CSMD1: variants seen among roughly 807,000 people sequenced by gnomAD.
The protein encoded by CSMD1 is CUB and Sushi multiple domains 1, also known as CUB and sushi domain-containing protein 1.
Under a neutral mutation model 417.5 loss-of-function variants are expected in CSMD1, and 213 were observed. That is an observed-to-expected ratio of 0.51 (90% CI 0.46 to 0.57). The LOEUF is 0.57. Ranked by LOEUF, CSMD1 falls within the 20% of genes least tolerant of loss-of-function variation. The probability of loss-of-function intolerance (pLI) is 0.00; values close to 1 mark genes in which losing one functional copy is unlikely to be tolerated. For synonymous variants in CSMD1, 2,862 were observed against 1,736.8 expected, an observed-to-expected ratio of 1.65 and a Z score of -16.11; for missense variants, 6,923 against 4,529.7, an observed-to-expected ratio of 1.53 and a Z score of -15.17.
At position 3,538,235 on chromosome 8, in the gene CSMD1, G is replaced by A. The variant is rs142921789; in HGVS notation, c.1344+36710C>T. ...CCATCAGCTGGAACTGAGTAGCAAT[G>A]GCACACCTGAGATGCCTCACCTGAG... On this transcript the variant is annotated intron_variant, in intron 10 of 69. Coordinates refer to ENST00000635120, the MANE Select transcript of CSMD1 (RefSeq NM_033225.6). 1.0e-3 allele frequency among the ~76,000 whole-genome samples: 156 copies of A among 152,308 alleles called. 1 individual carries two copies. Among genetic ancestry groups the A allele is most frequent in the African/African-American group, 3.7e-3 (152 of 41,562 alleles).
intron 12 of CSMD1, among the ~76,000 whole-genome samples, chr8:3,411,870 G>A (rs373715027): frequency 4.9e-4 from 41 of 83,340 alleles, no homozygotes; most frequent in Non-Finnish European, 9.1e-4. Flanking sequence ...ACGTATATAT[G>A]CACGTATATA....
intron 7 of CSMD1, among the ~76,000 whole-genome samples, chr8:3,665,491 TGCACTCCA>T (rs1798640796): frequency 6.6e-6 from 1 of 152,168 alleles, no homozygotes; most frequent in African/African-American, 2.4e-5. Flanking sequence ...ATCACGCCAC[TGCACTCCA>T]GCCTGGGCGA....
intron 2 of CSMD1, among the ~76,000 whole-genome samples, chr8:4,473,701 A>C (rs1477306244): frequency 6.6e-6 from 1 of 152,184 alleles, no homozygotes; most frequent in African/African-American, 2.4e-5. Context: ...TAAATGATGT[A>C]AGGTATGCAG....
At chr8:4,061,368 AAAATG>A (rs1173839277) in intron 3 of CSMD1, among the ~76,000 whole-genome samples, 1 of 152,256 alleles carries the variant, frequency 6.6e-6, no homozygotes, top group Non-Finnish European at 1.5e-5. Flanking sequence ...TAAAAATTAA[AAAATG>A]AAATGAAGTA....
At chr8:4,593,609 A>G (rs965968487) in intron 2 of CSMD1, among the ~76,000 whole-genome samples, 1 of 152,190 alleles carries the variant, frequency 6.6e-6, no homozygotes, top group Non-Finnish European at 1.5e-5. Context: ...AATGACAGAA[A>G]TATTTTTATG....
At chr8:3,962,367 A>C (rs1185407771) in intron 5 of CSMD1, among the ~76,000 whole-genome samples, 6 of 152,198 alleles carry the variant, frequency 3.9e-5, no homozygotes. Flanking sequence ...ACTAGAGCAG[A>C]GTCAGGCAGC....
At chr8:4,271,879 C>T (rs981913965) in intron 3 of CSMD1, among the ~76,000 whole-genome samples, 1 of 152,142 alleles carries the variant, frequency 6.6e-6, no homozygotes, top group African/African-American at 2.4e-5. Context: ...GCATACAGTC[C>T]TCCCTTGGTG....
rs945676742 is a variant in CSMD1, at chr8:4,487,173, T to TTTA, written c.303-67111_303-67109dup. 3.3e-5 allele frequency among the ~76,000 whole-genome samples: 5 copies of TTTA among 152,118 alleles called. 1 individual carries two copies. The South Asian group carries it at 6.2e-4, about 19-fold the overall frequency. ...TAATAATGATGAAGTTTCTTTCTTT[T>TTTA]TTATTATTATTATTATACTTTAAGT... On this transcript the variant is annotated intron_variant, in intron 2 of 69. Coordinates refer to ENST00000635120, the MANE Select transcript of CSMD1 (RefSeq NM_033225.6).
intron 3 of CSMD1, among the ~76,000 whole-genome samples, chr8:4,179,778 G>C: frequency 6.6e-6 from 1 of 151,908 alleles, no homozygotes; most frequent in African/African-American, 2.4e-5. Context: ...AATATGAACA[G>C]ACACTTCTCA....
Position 3,998,045 on chromosome 8 carries a change from A to C in CSMD1, c.676T>G (p.Ser226Ala). 3 of 1,601,410 alleles carry C rather than the reference A, an allele frequency of 1.9e-6. No homozygotes were observed. In the South Asian group the frequency reaches 3.4e-5, roughly 18 times the overall value. The part of the protein sequence containing the change: ...SSSISSPHFP[S>A]EYENNADCTW... The stretch of plus-strand genomic sequence containing the variant: ...CAGTCCGCGTTGTTCTCGTACTCTG[A>C]AGGGAAGTGCGGGCTGGAGATGGAG... The change falls in exon 5 of 70, where the codon TCA becomes GCA. Residue 226 changes from serine to alanine, a missense_variant. Ser to Ala is a moderately conservative substitution (Grantham distance 99, BLOSUM62 1). Transcript: ENST00000635120.
intron 3 of CSMD1, among the ~76,000 whole-genome samples, chr8:4,049,641 C>T (rs1362629726): frequency 1.3e-5 from 2 of 152,026 alleles, no homozygotes; most frequent in African/African-American, 4.8e-5. Flanking sequence ...CATAAAATAA[C>T]ATTATATTTA....
intron 3 of CSMD1, among the ~76,000 whole-genome samples, chr8:4,268,581 T>A (rs1044319015): frequency 1.3e-5 from 2 of 152,148 alleles, no homozygotes; most frequent in Non-Finnish European, 2.9e-5. Context: ...TATCCTCATT[T>A]CCAAAGACTT....
intron 3 of CSMD1, among the ~76,000 whole-genome samples, chr8:4,085,950 G>A (rs192495080): frequency 1.1e-4 from 16 of 152,166 alleles, no homozygotes; most frequent in African/African-American, 2.4e-4. Context: ...TTTCTTACAA[G>A]TGCAAGTCAA....
chr8:3,546,467 C>T (rs1036669989), intron 10 of CSMD1, among the ~76,000 whole-genome samples: 3 of 151,298 alleles, frequency 2.0e-5, no homozygotes, highest in Non-Finnish European at 4.4e-5. Context: ...ACCAGGGAGT[C>T]GGAGCTTGTG....
chr8:4,354,895 T>C (rs879862018), intron 3 of CSMD1, among the ~76,000 whole-genome samples: 15 of 150,874 alleles, frequency 9.9e-5, no homozygotes, highest in African/African-American at 2.7e-4. Context: ...TGTGTGTGTG[T>C]GTGTGTGTGT....
intron 8 of CSMD1, among the ~76,000 whole-genome samples, chr8:3,597,069 G>C (rs1801129445): frequency 6.6e-6 from 1 of 152,148 alleles, no homozygotes; most frequent in African/African-American, 2.4e-5. Flanking sequence ...CGATAAAACA[G>C]AGCCACCTCA....
At chr8:4,965,333 T>A (rs62489445) in intron 1 of CSMD1, among the ~76,000 whole-genome samples, 21,799 of 152,212 alleles carry the variant, frequency 0.14, 1,952 homozygotes, top group African/African-American at 0.25. Context: ...ATTACTTCAA[T>A]CAAAGTCAAA....
At chr8:3,048,520 C>A (rs960590685) in intron 50 of CSMD1, among the ~76,000 whole-genome samples, 52 of 152,094 alleles carry the variant, frequency 3.4e-4, no homozygotes, top group African/African-American at 1.3e-3. Context: ...GCTGGAAAAA[C>A]TGGATATCTA....
At chr8:4,236,093 C>A (rs1056720783) in intron 3 of CSMD1, among the ~76,000 whole-genome samples, 7 of 121,540 alleles carry the variant, frequency 5.8e-5, no homozygotes, top group Admixed American at 3.1e-4. Context: ...TTCCAGGTTT[C>A]CTGTAGGCCC....
Sources: gnomAD v4.1 joint callset for allele counts (sites outside exome capture counted in the v4.1 genomes callset) on GRCh38, gnomAD v4.1.1 for gene constraint, MANE v1.5 for transcripts, NCBI Gene and HGNC (gene_info 2026-07-23, HGNC 2026-07-21) for gene names.